The following PTP4A1 variants were observed in gnomAD, a reference collection of about 807,000 sequenced individuals.
PTP4A1 encodes protein tyrosine phosphatase type IVA 1.
A neutral mutation model predicts 20.5 loss-of-function variants in PTP4A1; 9 were observed. The ratio of observed to expected loss-of-function variants is 0.44; its 90% CI spans 0.26 to 0.77. PTP4A1 has a LOEUF of 0.77. PTP4A1 is among the 30% of genes least tolerant of loss of function. The pLI, the probability that PTP4A1 is intolerant of heterozygous loss-of-function variation, is 0.19. For missense variants in PTP4A1, 137 were observed against 218.8 expected, an observed-to-expected ratio of 0.63 and a Z score of 2.36; for synonymous variants, 78 against 67.4, an observed-to-expected ratio of 1.16 and a Z score of -0.77.
Position 63,578,472 on chromosome 6 carries a change from A to G in PTP4A1, c.141A>G (p.Arg47=). ...AGTATGGAGTTACCACAATAGTAAG[A>G]GTATGTGAAGCAACTTATGACACTA... ...LKKYGVTTIV[R]VCEATYDTTL... The change falls in exon 3 of 6, where the codon AGA becomes AGG. Residue 47 remains arginine, a synonymous_variant. Transcript: ENST00000626021. The G allele has an allele frequency of 1.9e-6, 3 of 1,610,762 alleles. No homozygotes were observed. Among genetic ancestry groups the G allele is most frequent in the Non-Finnish European group, 2.5e-6 (3 of 1,178,996 alleles).
At chr6:63,548,277 A>G (rs987303455) in intron 2 of PTP4A1, among the ~76,000 whole-genome samples, 14 of 152,234 alleles carry the variant, frequency 9.2e-5, no homozygotes, top group African/African-American at 2.9e-4. Flanking sequence ...GTTGTGTGAC[A>G]TAACTTTTCT....
At chr6:63,545,657 C>T (rs1045440234) in intron 2 of PTP4A1, among the ~76,000 whole-genome samples, 1 of 151,674 alleles carries the variant, frequency 6.6e-6, no homozygotes, top group Non-Finnish European at 1.5e-5. Context: ...TTACCTTGTA[C>T]TTTTCCTGCC....
chr6:63,582,232 T>C lies in PTP4A1; in HGVS notation c.*2058T>C, dbSNP rs1778282955. The C allele has an allele frequency of 6.6e-6, 1 of 152,320 alleles. No individual in the cohort carries two copies. The highest frequency in any genetic ancestry group is 1.5e-5 in the Non-Finnish European group (1 of 67,952). The allele number at this position is 152,320 out of a possible 1,614,324, so 9.4% of individuals were successfully genotyped here. Reference sequence around the variant, plus strand: ...GAAATGCAGCCTAGTCTTGAGAACATAATTTTATATAATCAATTACTAAAT... The same window carrying C: ...GAAATGCAGCCTAGTCTTGAGAACACAATTTTATATAATCAATTACTAAAT... On this transcript the variant is annotated 3_prime_UTR_variant, in exon 6 of 6. Transcript: ENST00000626021.
chr6:63,579,124 A>C (rs1212770363), intron 4 of PTP4A1, 96 bp downstream of exon 4: 6 of 1,387,826 alleles, frequency 4.3e-6, no homozygotes, highest in Admixed American at 2.7e-5. Flanking sequence ...ATATAAAGTC[A>C]ACATTTGTCA....
intron 3 of PTP4A1, among the ~76,000 whole-genome samples, chr6:63,556,949 C>T (rs1321410345): frequency 6.6e-6 from 1 of 152,168 alleles, no homozygotes; most frequent in East Asian, 1.9e-4. Flanking sequence ...GATCCTATTC[C>T]TCAGGGTTTC....
chr6:63,542,000 A>C (rs1775997394), intron 2 of PTP4A1, among the ~76,000 whole-genome samples: 1 of 146,140 alleles, frequency 6.8e-6, no homozygotes, highest in Non-Finnish European at 1.5e-5. Flanking sequence ...AAAAACTCTC[A>C]TTTGGTGGAT....
At chr6:63,534,086 G>T (rs369949962) in intron 2 of PTP4A1, among the ~76,000 whole-genome samples, 126 of 152,064 alleles carry the variant, frequency 8.3e-4, no homozygotes, top group Admixed American at 4.7e-3. Context: ...CAAGTGATCT[G>T]CCCACCTTGA....
At chr6:63,527,970 A>T (rs1478038221) in exon 2 of PTP4A1, 1 of 152,222 alleles carries the variant, frequency 6.6e-6, no homozygotes, top group African/African-American at 2.4e-5. Context: ...CTATGTGTTT[A>T]TGAAAGAAAC....
chr6:63,556,644 A>C (rs1202223280), intron 3 of PTP4A1, among the ~76,000 whole-genome samples: 1 of 152,234 alleles, frequency 6.6e-6, no homozygotes, highest in Non-Finnish European at 1.5e-5. Flanking sequence ...TTTGCCAAAA[A>C]GATCAGCATG....
rs112695028 is a variant in PTP4A1 at position 63,547,470 on chromosome 6, G to A, written c.-639-2830G>A. 7.9e-3 allele frequency among the ~76,000 whole-genome samples: 1,158 copies of A among 147,364 alleles called. 8 individuals are homozygous for A. The highest frequency in any genetic ancestry group is 0.027 in the African/African-American group (1,076 of 39,768). The stretch of plus-strand genomic sequence containing the variant: ...CTCCCAAAGTGCTGGGATTACAGGC[G>A]TCTGCCACCTCGCCCGGCCAGGGGG... On this transcript the variant is annotated intron_variant, in intron 2 of 3. Coordinates refer to the PTP4A1 transcript ENST00000639568.
rs575244491 is a variant in PTP4A1 at position 63,535,131 on chromosome 6, G to A, written c.-640+7047G>A. Among the ~76,000 whole-genome samples the A allele has an allele frequency of 3.3e-5, 5 of 152,168 alleles. No individual in the cohort carries two copies. In the South Asian group the frequency reaches 1.0e-3, roughly 32 times the overall value. The stretch of plus-strand genomic sequence containing the variant: ...TATTTTAGGTAATAAAATACATGGG[G>A]TGTGGTCCCTGTGGATGAAGAAAGA... On this transcript the variant is annotated intron_variant, in intron 2 of 3. Coordinates refer to the PTP4A1 transcript ENST00000639568.
chr6:63,567,615 G>C (rs1777246326), upstream of PTP4A1, among the ~76,000 whole-genome samples: 3 of 152,176 alleles, frequency 2.0e-5, no homozygotes, highest in Admixed American at 2.0e-4. Context: ...AAGGGTCCTA[G>C]GATTTTCAGA....
chr6:63,563,621 T>A (rs1306919842), intron 3 of PTP4A1, among the ~76,000 whole-genome samples: 2 of 152,228 alleles, frequency 1.3e-5, no homozygotes, highest in Non-Finnish European at 2.9e-5. Context: ...TATATAAATT[T>A]CATTGGGGCA....
intron 3 of PTP4A1, among the ~76,000 whole-genome samples, chr6:63,556,166 A>T (rs1030965251): frequency 6.6e-5 from 10 of 151,992 alleles, no homozygotes; most frequent in African/African-American, 2.2e-4. Context: ...ATTTTAAAAA[A>T]TTTTTTACTG....
intron 2 of PTP4A1, among the ~76,000 whole-genome samples, chr6:63,543,430 A>T (rs540401307): frequency 5.3e-4 from 80 of 152,346 alleles, no homozygotes; most frequent in African/African-American, 1.8e-3. Flanking sequence ...TAATCCTCCC[A>T]CTAAAGTGTA....
At chr6:63,555,310 C>T (rs752910460) in intron 3 of PTP4A1, among the ~76,000 whole-genome samples, 44 of 152,138 alleles carry the variant, frequency 2.9e-4, no homozygotes, top group Non-Finnish European at 3.8e-4. Context: ...CAAGGAACTT[C>T]GGAGAGTTCC....
In PTP4A1 at chr6:63,579,285, A is replaced by C; in HGVS notation, c.358A>C (p.Ile120Leu). The change falls in exon 5 of 6, where the codon ATT becomes CTT. Residue 120 changes from isoleucine to leucine, a missense_variant. Transcript: ENST00000626021. ...TCCAGTACTTGTTGCCCTAGCATTA[A>C]TTGAAGGTGGAATGAAATACGAAGA... Reference protein sequence around the residue: ...RAPVLVALALIEGGMKYEDAV... With the variant: ...RAPVLVALALLEGGMKYEDAV... 6.2e-7 allele frequency: 1 copy of C among 1,611,590 alleles called. No individual in the cohort carries two copies. Among genetic ancestry groups the C allele is most frequent in the Non-Finnish European group, 8.5e-7 (1 of 1,178,702 alleles).
At chr6:63,564,831 A>G (rs1777117770) in intron 3 of PTP4A1, among the ~76,000 whole-genome samples, 1 of 152,138 alleles carries the variant, frequency 6.6e-6, no homozygotes, top group African/African-American at 2.4e-5. Flanking sequence ...AATTTCACCA[A>G]ATTTGCTAAA....
At chr6:63,539,434 T>C (rs1775859888) in intron 2 of PTP4A1, among the ~76,000 whole-genome samples, 1 of 152,142 alleles carries the variant, frequency 6.6e-6, no homozygotes, top group African/African-American at 2.4e-5. Context: ...GTTTAATCAT[T>C]ATTCTTTATG....
Sources: allele counts gnomAD v4.1 joint callset (sites outside exome capture counted in the v4.1 genomes callset), GRCh38; gene constraint gnomAD v4.1.1; transcripts MANE v1.5; gene names NCBI Gene and HGNC (gene_info 2026-07-23, HGNC 2026-07-21).